SYK: variants seen among roughly 807,000 people sequenced by gnomAD.
SYK encodes the protein tyrosine-protein kinase SYK.
Under a neutral mutation model 77.8 loss-of-function variants are expected in SYK, and 16 were observed. The ratio of observed to expected loss-of-function variants is 0.21; its 90% CI spans 0.14 to 0.31. The LOEUF (loss-of-function observed/expected upper bound fraction) is 0.31. Ranked by LOEUF, SYK falls within the 10% of genes least tolerant of loss-of-function variation. SYK has a pLI of 1.00. For missense variants in SYK, 529 were observed against 814.4 expected (o/e 0.65, Z 4.26); for synonymous variants, 312 against 308.7 (o/e 1.01, Z -0.11).
At chr9:90,846,420 C>T (rs2259147) in intron 3 of SYK, among the ~76,000 whole-genome samples, 36,377 of 152,146 alleles carry the variant, frequency 0.24, 5,057 homozygotes, top group South Asian at 0.35. Context: ...CAGCCGACTT[C>T]GTAAACTTTT....
intron 3 of SYK, among the ~76,000 whole-genome samples, chr9:90,849,605 A>G (rs1198312348): frequency 6.6e-6 from 1 of 152,204 alleles, no homozygotes; most frequent in Non-Finnish European, 1.5e-5. Flanking sequence ...AGATGCAGGG[A>G]CACAGCAATA....
chr9:90,857,231 A>C (rs141797828), intron 3 of SYK, among the ~76,000 whole-genome samples: 1,915 of 152,360 alleles, frequency 0.013, 18 homozygotes, highest in South Asian at 0.049. Context: ...CAGTGCTTTC[A>C]TATGCTGCCG....
intron 1 of SYK, among the ~76,000 whole-genome samples, chr9:90,808,900 A>C (rs1310850042): frequency 6.6e-6 from 1 of 152,166 alleles, no homozygotes; most frequent in African/African-American, 2.4e-5. Context: ...CCTTTCAAGG[A>C]GAGCATTCAT....
At chr9:90,855,775 C>T (rs937486030) in intron 3 of SYK, among the ~76,000 whole-genome samples, 6 of 151,696 alleles carry the variant, frequency 4.0e-5, no homozygotes, top group East Asian at 3.9e-4. Flanking sequence ...CAGATGTCTG[C>T]GTTCCATCCC....
At chr9:90,825,119 C>CAAA (rs148061358) in intron 1 of SYK, among the ~76,000 whole-genome samples, 19 of 93,352 alleles carry the variant, frequency 2.0e-4, no homozygotes, top group African/African-American at 6.3e-4. Flanking sequence ...ACCAAAAAGA[C>CAAA]AAAAAAAAAA....
At chr9:90,869,651 A>G (rs536255657) in intron 7 of SYK, among the ~76,000 whole-genome samples, 2 of 152,250 alleles carry the variant, frequency 1.3e-5, no homozygotes, top group Non-Finnish European at 2.9e-5. Flanking sequence ...AGTTGTTTTA[A>G]TAATTCAGGC....
intron 3 of SYK, among the ~76,000 whole-genome samples, chr9:90,860,174 C>A (rs1827202006): frequency 1.3e-5 from 2 of 152,192 alleles, no homozygotes; most frequent in Non-Finnish European, 2.9e-5. Context: ...GTATTATCTC[C>A]ATGACCTTGA....
chr9:90,874,217 A>G lies in SYK; in HGVS notation c.929A>G (p.Gln310Arg). The stretch of plus-strand genomic sequence containing the variant: ...TATGTACTTTAGTCCTCCCCTGCCC[A>G]AGGGAACCGGCAAGAGAGTACTGTG... ...KPGHRKSSPA[Q>R]GNRQESTVSF... Residue 310 changes from glutamine (Q) to arginine (R), a missense_variant, in exon 8 of 14, where the codon CAA becomes CGA. Gln to Arg is a conservative substitution (Grantham distance 43). Coordinates refer to ENST00000375754, the MANE Select transcript of SYK (RefSeq NM_003177.7). 6.2e-7 allele frequency: 1 copy of G among 1,614,206 alleles called. No homozygotes were observed. The highest frequency in any genetic ancestry group is 8.5e-7 in the Non-Finnish European group (1 of 1,180,026).
intron 11 of SYK, among the ~76,000 whole-genome samples, chr9:90,887,106 T>G (rs1736941774): frequency 6.6e-6 from 1 of 152,184 alleles, no homozygotes; most frequent in Non-Finnish European, 1.5e-5. Flanking sequence ...AAGAGGATAT[T>G]TCCTGTCATA....
intron 3 of SYK, among the ~76,000 whole-genome samples, chr9:90,852,789 T>C (rs1826867997): frequency 6.6e-6 from 1 of 152,196 alleles, no homozygotes; most frequent in African/African-American, 2.4e-5. Flanking sequence ...TTCAACAAAA[T>C]AGGCATGTTT....
intron 3 of SYK, among the ~76,000 whole-genome samples, chr9:90,861,926 G>A (rs1827280300): frequency 6.6e-6 from 1 of 152,186 alleles, no homozygotes; most frequent in South Asian, 2.1e-4. Context: ...GAGCTCCTGG[G>A]CCCTGCTAGA....
At chr9:90,828,432 GTTGT>G (rs141365783) in intron 1 of SYK, among the ~76,000 whole-genome samples, 4,836 of 152,172 alleles carry the variant, frequency 0.032, 129 homozygotes, top group Non-Finnish European at 0.056. Context: ...CATCTTGTTG[GTTGT>G]TTGTGTTTTT....
At chr9:90,881,616 G>A (rs528339853) in intron 11 of SYK, among the ~76,000 whole-genome samples, 1 of 142,892 alleles carries the variant, frequency 7.0e-6, no homozygotes, top group Admixed American at 7.2e-5. Context: ...GGAGGTGGAG[G>A]TTGCAGTGAG....
At chr9:90,841,927 A>C (rs1296373861) in intron 1 of SYK, among the ~76,000 whole-genome samples, 1 of 142,514 alleles carries the variant, frequency 7.0e-6, no homozygotes, top group Non-Finnish European at 1.5e-5. Context: ...CGTGTAGTAC[A>C]TGGTGTGTGT....
At chr9:90,888,433 C>A in intron 12 of SYK, 82 bp from the exon 13 acceptor site, 1 of 953,396 alleles carries the variant, frequency 1.0e-6, no homozygotes, top group Non-Finnish European at 1.6e-6. Flanking sequence ...TGTACTCCTT[C>A]ATGTCTTGGA....
At chr9:90,892,375 G>T in intron 13 of SYK, among the ~76,000 whole-genome samples, 1 of 152,164 alleles carries the variant, frequency 6.6e-6, no homozygotes, top group African/African-American at 2.4e-5. Flanking sequence ...CTACAGGAAG[G>T]GTCTCCTTCC....
intron 1 of SYK, among the ~76,000 whole-genome samples, chr9:90,828,422 C>A (rs1825754818): frequency 6.6e-6 from 1 of 151,686 alleles, no homozygotes; most frequent in Non-Finnish European, 1.5e-5. Context: ...TTTTTTCTAG[C>A]ATCTTGTTGG....
At chr9:90,862,156 C>T (rs201369115) in intron 3 of SYK, 50 bp from the exon 4 acceptor site, 46 of 1,561,224 alleles carry the variant, frequency 2.9e-5, no homozygotes, top group Non-Finnish European at 3.7e-5. Flanking sequence ...CAGGGTCCCA[C>T]CTGGAGACTG....
intron 7 of SYK, among the ~76,000 whole-genome samples, chr9:90,872,237 C>G (rs983439360): frequency 2.0e-5 from 3 of 152,172 alleles, no homozygotes; most frequent in African/African-American, 7.2e-5. Flanking sequence ...GCTGCAACCC[C>G]AGGATAATGT....
Sources: allele counts gnomAD v4.1 joint callset (sites outside exome capture counted in the v4.1 genomes callset), GRCh38; gene constraint gnomAD v4.1.1; transcripts MANE v1.5; gene names NCBI Gene and HGNC (gene_info 2026-07-23, HGNC 2026-07-21).